The following FRMPD4 variants were observed in gnomAD, a reference collection of about 807,000 sequenced individuals.
FRMPD4 encodes the protein FERM and PDZ domain-containing protein 4.
In FRMPD4, 22 loss-of-function variants were observed where a neutral mutation model predicts 94.1. The ratio of observed to expected loss-of-function variants is 0.23; its 90% CI spans 0.17 to 0.33. The LOEUF is 0.33. FRMPD4 is among the 10% of genes least tolerant of loss of function. The probability of loss-of-function intolerance (pLI) is 1.00; values close to 1 mark genes in which losing one functional copy is unlikely to be tolerated. For synonymous variants in FRMPD4, 631 were observed against 548.6 expected, an observed-to-expected ratio of 1.15 and a Z score of -2.10; for missense variants, 1,111 against 1,339.9, an observed-to-expected ratio of 0.83 and a Z score of 2.67.
At chrX:11,891,925 A>G (rs975123406) in intron 3 of FRMPD4, among the ~76,000 whole-genome samples, 1 of 112,251 alleles carries the variant, frequency 8.9e-6, no homozygotes, top group Non-Finnish European at 1.9e-5. Flanking sequence ...AGTACTCAGT[A>G]TTATTTGATG....
chrX:11,957,469 C>T (rs1345403734), intron 3 of FRMPD4, among the ~76,000 whole-genome samples: 4 of 110,557 alleles, frequency 3.6e-5, no homozygotes, highest in African/African-American at 1.3e-4. Context: ...AGAGGCTCAG[C>T]CAGGAGGATC....
At position 12,258,572 on chromosome X, in the gene FRMPD4, G is replaced by A. The variant is rs780901563; in HGVS notation, c.41+119560G>A. Among the ~76,000 whole-genome samples the A allele has an allele frequency of 3.6e-5, 4 of 111,278 alleles. No individual in the cohort carries two copies. In the South Asian group the frequency reaches 1.2e-3, roughly 32 times the overall value. On this transcript the variant is annotated intron_variant, in intron 1 of 16. Coordinates refer to ENST00000675598, the MANE Select transcript of FRMPD4 (RefSeq NM_001368397.1). Reference sequence around the variant, plus strand: ...GTATTCTGTTAGAGCAGATCAAAGTGAACTAAGACAACGCCACTATTTGGA... The same window carrying A: ...GTATTCTGTTAGAGCAGATCAAAGTAAACTAAGACAACGCCACTATTTGGA...
intron 3 of FRMPD4, among the ~76,000 whole-genome samples, chrX:11,985,329 G>T (rs904416265): frequency 9.0e-6 from 1 of 111,431 alleles, no homozygotes; most frequent in South Asian, 3.8e-4. Context: ...CTGAAGGAAG[G>T]GACAGAGTCC....
At chrX:12,582,896 G>C (rs1322289604) in intron 2 of FRMPD4, among the ~76,000 whole-genome samples, 1 of 112,041 alleles carries the variant, frequency 8.9e-6, no homozygotes, top group Non-Finnish European at 1.9e-5. Context: ...GACAGCATCT[G>C]CTGCCTTTTT....
chrX:11,839,323 G>T (rs1427598288), intron 1 of FRMPD4, among the ~76,000 whole-genome samples: 1 of 111,369 alleles, frequency 9.0e-6, no homozygotes, highest in African/African-American at 3.3e-5. Flanking sequence ...TCTTATTGTG[G>T]TTTTTATTTG....
At chrX:12,108,156 T>G (rs1317131481) in intron 3 of FRMPD4, among the ~76,000 whole-genome samples, 1 of 111,400 alleles carries the variant, frequency 9.0e-6, no homozygotes, top group Non-Finnish European at 1.9e-5. Flanking sequence ...GGAAAAAATG[T>G]TAAGGGCAAC....
At chrX:12,611,381 C>T (rs897804887) in intron 3 of FRMPD4, among the ~76,000 whole-genome samples, 2 of 111,854 alleles carry the variant, frequency 1.8e-5, no homozygotes, top group Admixed American at 9.5e-5. Flanking sequence ...CTGACTCCTA[C>T]CTCTGCCCCT....
chrX:11,893,064 C>T (rs1248522811), intron 3 of FRMPD4, among the ~76,000 whole-genome samples: 1 of 112,015 alleles, frequency 8.9e-6, no homozygotes, highest in Non-Finnish European at 1.9e-5. Flanking sequence ...TTCTGTTTCC[C>T]CCATTGTTAA....
chrX:12,247,750 ACTGT>A (rs765919714), intron 1 of FRMPD4, among the ~76,000 whole-genome samples: 1 of 111,835 alleles, frequency 8.9e-6, no homozygotes, highest in African/African-American at 3.2e-5. Flanking sequence ...AAAATAAGAG[ACTGT>A]CTGTAGGTTT....
chrX:12,502,800 T>C (rs2057938103), intron 2 of FRMPD4, among the ~76,000 whole-genome samples: 2 of 111,875 alleles, frequency 1.8e-5, no homozygotes, highest in Non-Finnish European at 3.8e-5. Context: ...GATATGGATA[T>C]GGGTATAGAT....
chrX:12,560,742 C>CTTT lies in FRMPD4; in HGVS notation c.159-48936_159-48934dup, dbSNP rs749269384. ...CCCTAGTGTATGCACCTCCCCTCAT[C>CTTT]TTTTTTTTTTTTTTTTTTTTTTTTT... On this transcript the variant is annotated intron_variant, in intron 2 of 16. Transcript: ENST00000675598. Among the ~76,000 whole-genome samples the CTTT allele has an allele frequency of 1.1e-3, 49 of 43,443 alleles. 2 individuals carry two copies. Among genetic ancestry groups the CTTT allele is most frequent in the Non-Finnish European group, 1.7e-3 (40 of 23,490 alleles). The allele number at this position is 43,443 out of a possible 115,157, so 37.7% of individuals were successfully genotyped here. A position where few individuals can be genotyped will look rare whatever the true frequency, so the allele number is the denominator to read the frequency against.
intron 2 of FRMPD4, among the ~76,000 whole-genome samples, chrX:12,595,669 T>C (rs1202192245): frequency 8.9e-6 from 1 of 112,321 alleles, no homozygotes; most frequent in Non-Finnish European, 1.9e-5. Flanking sequence ...TCTCTTAGTA[T>C]GACAAAAGGC....
At chrX:12,188,742 T>G (rs1329945447) in intron 1 of FRMPD4, among the ~76,000 whole-genome samples, 1 of 111,838 alleles carries the variant, frequency 8.9e-6, no homozygotes, top group Admixed American at 9.5e-5. Context: ...TTTCCTGGTG[T>G]GTAGACATAA....
At chrX:12,471,670 T>C (rs1422180488) in intron 1 of FRMPD4, among the ~76,000 whole-genome samples, 1 of 111,923 alleles carries the variant, frequency 8.9e-6, no homozygotes, top group East Asian at 2.8e-4. Context: ...ACAAGGAGAT[T>C]TGACGACAAT....
In FRMPD4 at chrX:12,701,876, T is replaced by C. The variant is rs747824915; in HGVS notation, c.936T>C (p.Ser312=). 8.3e-7 allele frequency: 1 copy of C among 1,211,295 alleles called. No homozygotes were observed. Among genetic ancestry groups the C allele is most frequent in the South Asian group, 1.8e-5 (1 of 56,963 alleles). ...GCCCCCTGCTGGTCTCTTCGCAGAG[T>C]TGTAACGATGTGGTTCAGGAGCGAT... ...PVAFEYLYVQ[S]CNDVVQERFG... The change falls in exon 10 of 17, where the codon AGT becomes AGC. Residue 312 remains serine, a splice_region_variant and synonymous_variant. Transcript: ENST00000675598.
chrX:12,086,089 A>ATG (rs766015576), intron 3 of FRMPD4, among the ~76,000 whole-genome samples: 249 of 62,628 alleles, frequency 4.0e-3, no homozygotes, highest in East Asian at 7.9e-3. Flanking sequence ...GTGTGTGTGT[A>ATG]TGTGTGTGTG....
At chrX:12,461,046 T>C (rs936667112) in intron 1 of FRMPD4, among the ~76,000 whole-genome samples, 29 of 112,047 alleles carry the variant, frequency 2.6e-4, no homozygotes, top group East Asian at 1.7e-3. Context: ...CAAGTTTCTT[T>C]TCTTTCAAAA....
At chrX:12,703,980 A>G (rs1230547205) in intron 10 of FRMPD4, among the ~76,000 whole-genome samples, 1 of 111,978 alleles carries the variant, frequency 8.9e-6, no homozygotes, top group African/African-American at 3.3e-5. Flanking sequence ...GCAGACAGGG[A>G]GATTGGAGAA....
chrX:11,993,096 A>G (rs971838084), intron 3 of FRMPD4, among the ~76,000 whole-genome samples: 2 of 109,868 alleles, frequency 1.8e-5, no homozygotes, highest in African/African-American at 3.3e-5. Flanking sequence ...TGTTTACCAA[A>G]CACCTTTTTA....
Sources: gnomAD v4.1 joint callset for allele counts (sites outside exome capture counted in the v4.1 genomes callset) on GRCh38, gnomAD v4.1.1 for gene constraint, MANE v1.5 for transcripts, NCBI Gene and HGNC (gene_info 2026-07-23, HGNC 2026-07-21) for gene names.